XKR9: variants seen among roughly 807,000 people sequenced by gnomAD.
XKR9 encodes the protein XK related 9, also known as XK-related protein 9.
XKR9 carries 32 observed loss-of-function variants against 32.0 expected under a neutral mutation model. That is an observed-to-expected ratio of 1.00 (90% CI 0.76 to 1.34). The LOEUF is 1.34. XKR9 is among the 40% of genes most tolerant of loss of function. The pLI, the probability that XKR9 is intolerant of heterozygous loss-of-function variation, is 0.00. For missense variants in XKR9, 546 were observed against 429.7 expected (o/e 1.27, Z -2.39); for synonymous variants, 168 against 143.4 (o/e 1.17, Z -1.22).
chr8:70,726,434 G>C (rs1396098447), intron 4 of XKR9, among the ~76,000 whole-genome samples: 1 of 152,188 alleles, frequency 6.6e-6, no homozygotes, highest in Non-Finnish European at 1.5e-5. Context: ...ACAGAGTTCT[G>C]AATGAAAAAT....
the XKR9 span, among the ~76,000 whole-genome samples, chr8:70,861,488 C>CAAA: frequency 4.7e-3 from 684 of 146,734 alleles, 3 homozygotes; most frequent in Non-Finnish European, 7.8e-3. Flanking sequence ...TTGTGTCTAT[C>CAAA]AAAAAAAAAA....
At chr8:70,755,334 T>C (rs976656412) in intron 2 of XKR9, among the ~76,000 whole-genome samples, 24 of 152,270 alleles carry the variant, frequency 1.6e-4, no homozygotes, top group Non-Finnish European at 2.4e-4. Context: ...GTTCAACCAT[T>C]GTGGAAGTCA....
At chr8:70,765,511 C>T (rs1807363220) in intron 2 of XKR9, among the ~76,000 whole-genome samples, 1 of 152,154 alleles carries the variant, frequency 6.6e-6, no homozygotes, top group Non-Finnish European at 1.5e-5. Flanking sequence ...AATTTTCTCC[C>T]ATTCTGTAGG....
chr8:70,812,379 C>G, the XKR9 span, among the ~76,000 whole-genome samples: 4 of 152,152 alleles, frequency 2.6e-5, no homozygotes, highest in Non-Finnish European at 5.9e-5. Context: ...TGAAAACTGG[C>G]ACAAGACAGG....
chr8:70,796,067 T>C, the XKR9 span, among the ~76,000 whole-genome samples: 1 of 152,162 alleles, frequency 6.6e-6, no homozygotes, highest in South Asian at 2.1e-4. Context: ...TTTTTTTTTT[T>C]TAGTTTTTGT....
chr8:70,876,718 A>G, the XKR9 span, among the ~76,000 whole-genome samples: 1 of 152,152 alleles, frequency 6.6e-6, no homozygotes, highest in East Asian at 1.9e-4. Context: ...CCAAAAGAGT[A>G]ACACCTTCAC....
At chr8:70,819,447 A>T in the XKR9 span, among the ~76,000 whole-genome samples, 1 of 152,186 alleles carries the variant, frequency 6.6e-6, no homozygotes, top group Admixed American at 6.5e-5. Flanking sequence ...GTTTCCACCA[A>T]TGTGTCCACT....
the XKR9 span, among the ~76,000 whole-genome samples, chr8:70,949,456 G>A: frequency 1.3e-5 from 2 of 151,304 alleles, no homozygotes; most frequent in African/African-American, 4.9e-5. Context: ...TTTATATTAA[G>A]ATTTATATTA....
chr8:71,062,849 T>C, the XKR9 span, among the ~76,000 whole-genome samples: 1 of 152,142 alleles, frequency 6.6e-6, no homozygotes, highest in African/African-American at 2.4e-5. Context: ...TAGGAAAATA[T>C]TACATATACA....
At chr8:70,716,840 G>A (rs1452528828) in intron 4 of XKR9, among the ~76,000 whole-genome samples, 2 of 152,102 alleles carry the variant, frequency 1.3e-5, no homozygotes, top group Admixed American at 6.6e-5. Context: ...CATCTGAGAC[G>A]AGGCAAGTCC....
At chr8:70,746,219 A>G (rs1447788791) in intron 2 of XKR9, among the ~76,000 whole-genome samples, 2 of 150,130 alleles carry the variant, frequency 1.3e-5, no homozygotes, top group Admixed American at 6.7e-5. Context: ...ATTATATTCC[A>G]TAAAGAATAT....
At chr8:70,898,091 T>G in the XKR9 span, among the ~76,000 whole-genome samples, 987 of 152,284 alleles carry the variant, frequency 6.5e-3, 11 homozygotes, top group African/African-American at 0.023. Context: ...TTTTTGTATA[T>G]GGTGAGGGAT....
the XKR9 span, among the ~76,000 whole-genome samples, chr8:70,921,055 A>G: frequency 6.6e-6 from 1 of 152,200 alleles, no homozygotes; most frequent in Non-Finnish European, 1.5e-5. Context: ...CATATACTCA[A>G]TCAGCAAAAG....
chr8:70,682,508 C>T (rs1476144839), intron 3 of XKR9, among the ~76,000 whole-genome samples: 1 of 152,054 alleles, frequency 6.6e-6, no homozygotes, highest in African/African-American at 2.4e-5. Context: ...GGCCAAATTG[C>T]CTTGATTTTC....
the XKR9 span, among the ~76,000 whole-genome samples, chr8:71,045,969 G>C: frequency 2.0e-5 from 3 of 152,074 alleles, no homozygotes; most frequent in African/African-American, 7.2e-5. Context: ...GGATACCCAT[G>C]TATCCTCCAA....
chr8:70,969,629 C>G, the XKR9 span, among the ~76,000 whole-genome samples: 1 of 152,150 alleles, frequency 6.6e-6, no homozygotes, highest in African/African-American at 2.4e-5. Flanking sequence ...TCTCCCTTTC[C>G]CTCATTTTTC....
the XKR9 span, among the ~76,000 whole-genome samples, chr8:70,983,033 C>A: frequency 1.3e-5 from 2 of 152,114 alleles, no homozygotes; most frequent in Non-Finnish European, 2.9e-5. Flanking sequence ...TACTGTCACC[C>A]CTTCTAGTTT....
chr8:70,724,430 GAA>G (rs35676207), intron 4 of XKR9, among the ~76,000 whole-genome samples: 12,499 of 143,008 alleles, frequency 0.087, 594 homozygotes, highest in African/African-American at 0.1. Context: ...ACTGGGGTAG[GAA>G]AAAAAAAAAA....
chr8:70,681,964 AT>A, intron 3 of XKR9, among the ~76,000 whole-genome samples: 1 of 152,164 alleles, frequency 6.6e-6, no homozygotes, highest in East Asian at 1.9e-4. Context: ...TATTAAAAAA[AT>A]TCCAGGCTTT....
Sources: allele counts gnomAD v4.1 joint callset (sites outside exome capture counted in the v4.1 genomes callset), GRCh38; gene constraint gnomAD v4.1.1; transcripts MANE v1.5; gene names NCBI Gene and HGNC (gene_info 2026-07-23, HGNC 2026-07-21).